Variants in PTPRM observed in about 807,000 individuals in gnomAD.
The protein encoded by PTPRM is receptor-type tyrosine-protein phosphatase mu.
PTPRM carries 47 observed loss-of-function variants against 186.7 expected under a neutral mutation model. The ratio of observed to expected loss-of-function variants is 0.25; its 90% CI spans 0.20 to 0.32. The LOEUF is 0.32. PTPRM is among the 10% of genes least tolerant of loss of function. The pLI, the probability that PTPRM is intolerant of heterozygous loss-of-function variation, is 1.00. For missense variants in PTPRM, 1,494 were observed against 1,865.0 expected, an observed-to-expected ratio of 0.80 and a Z score of 3.66; for synonymous variants, 668 against 674.9, an observed-to-expected ratio of 0.99 and a Z score of 0.16.
intron 7 of PTPRM, among the ~76,000 whole-genome samples, chr18:7,985,653 A>AAT (rs749376457): frequency 1.3e-5 from 2 of 149,372 alleles, no homozygotes; most frequent in African/African-American, 4.9e-5. Flanking sequence ...ATATGGGGTA[A>AAT]ATATATATAT....
chr18:7,890,499 G>A (rs1053044185), intron 3 of PTPRM, among the ~76,000 whole-genome samples: 1 of 151,852 alleles, frequency 6.6e-6, no homozygotes. Flanking sequence ...GATTTAATGA[G>A]TGACAAGTAA....
In PTPRM at chr18:7,600,829, C is replaced by T. The variant is rs534636650; in HGVS notation, c.73+32938C>T. On this transcript the variant is annotated intron_variant, in intron 1 of 32. Transcript: ENST00000580170. Reference sequence around the variant, plus strand: ...GCCTAGAGGAAGACGCTGCGCCCCTCAGTTCCCCTCTGCTGCACTTGTGTC... The same window carrying T: ...GCCTAGAGGAAGACGCTGCGCCCCTTAGTTCCCCTCTGCTGCACTTGTGTC... Among the ~76,000 whole-genome samples, 4 of 152,358 alleles carry T rather than the reference C, an allele frequency of 2.6e-5. No homozygotes were observed. The East Asian group carries it at 7.7e-4, about 29-fold the overall frequency.
At chr18:8,314,150 T>C (rs901513679) in intron 20 of PTPRM, among the ~76,000 whole-genome samples, 2 of 152,208 alleles carry the variant, frequency 1.3e-5, no homozygotes, top group African/African-American at 2.4e-5. Flanking sequence ...TGTCAATTTG[T>C]GTTTTCATTG....
intron 8 of PTPRM, among the ~76,000 whole-genome samples, chr18:8,073,512 A>C (rs115675817): frequency 0.019 from 2,819 of 152,322 alleles, 85 homozygotes; most frequent in African/African-American, 0.064. Flanking sequence ...TGTCATTTCT[A>C]ATGTTTTTTG....
chr18:7,969,194 C>T (rs2054355418), intron 7 of PTPRM, among the ~76,000 whole-genome samples: 1 of 102,300 alleles, frequency 9.8e-6, no homozygotes, highest in East Asian at 2.6e-4. Flanking sequence ...GAACAACCTG[C>T]TCCTGAATGA....
At chr18:8,281,019 T>C (rs546182747) in intron 19 of PTPRM, among the ~76,000 whole-genome samples, 64 of 152,288 alleles carry the variant, frequency 4.2e-4, no homozygotes, top group Admixed American at 9.8e-4. Flanking sequence ...CAATCAAAAC[T>C]AAAGTAGAAA....
chr18:7,964,370 A>C (rs2053880051), intron 7 of PTPRM, among the ~76,000 whole-genome samples: 1 of 152,178 alleles, frequency 6.6e-6, no homozygotes. Flanking sequence ...GTTCTGGCAC[A>C]AATAGCTAAA....
chr18:7,945,195 T>G lies in PTPRM; in HGVS notation c.664-3986T>G, dbSNP rs1253199303. 2.0e-5 allele frequency among the ~76,000 whole-genome samples: 3 copies of G among 151,476 alleles called. 1 individual carries two copies. Among genetic ancestry groups the G allele is most frequent in the Non-Finnish European group, 4.4e-5 (3 of 67,936 alleles). The stretch of plus-strand genomic sequence containing the variant: ...CCGGCCGGGCGTGGTGGCTCACGCC[T>G]GTAATCCCAGCACTTTGGGAGGCTG... On this transcript the variant is annotated intron_variant, in intron 5 of 32. Coordinates refer to ENST00000580170, the MANE Select transcript of PTPRM (RefSeq NM_001105244.2).
At chr18:7,802,779 A>G (rs1223395745) in intron 2 of PTPRM, among the ~76,000 whole-genome samples, 2 of 152,186 alleles carry the variant, frequency 1.3e-5, no homozygotes, top group Non-Finnish European at 2.9e-5. Flanking sequence ...TCTTTGATTC[A>G]GTCATTGATA....
At chr18:7,987,205 T>C (rs2147566715) in intron 7 of PTPRM, among the ~76,000 whole-genome samples, 1 of 152,252 alleles carries the variant, frequency 6.6e-6, no homozygotes, top group South Asian at 2.1e-4. Context: ...CCACAGTAGA[T>C]CTCTTGAGAA....
chr18:7,790,459 A>C (rs530283611), intron 2 of PTPRM, among the ~76,000 whole-genome samples: 1 of 152,166 alleles, frequency 6.6e-6, no homozygotes, highest in African/African-American at 2.4e-5. Context: ...GGATCAGCAT[A>C]GCGGCTAGAG....
At chr18:7,802,739 C>T (rs1184208295) in intron 2 of PTPRM, among the ~76,000 whole-genome samples, 1 of 152,078 alleles carries the variant, frequency 6.6e-6, no homozygotes, top group Non-Finnish European at 1.5e-5. Flanking sequence ...TATTTCATTT[C>T]TACAGAAAGT....
intron 14 of PTPRM, among the ~76,000 whole-genome samples, chr18:8,189,534 G>A (rs778435246): frequency 3.3e-5 from 5 of 152,138 alleles, no homozygotes; most frequent in African/African-American, 4.8e-5. Flanking sequence ...AGCCCAAAGC[G>A]AAATAAAGCC....
intron 17 of PTPRM, among the ~76,000 whole-genome samples, chr18:8,248,887 A>G (rs1019488374): frequency 2.0e-5 from 3 of 152,256 alleles, no homozygotes; most frequent in East Asian, 1.9e-4. Flanking sequence ...CATTTAAAGT[A>G]TGAAATATTC....
Position 8,115,033 on chromosome 18 carries a change from T to G in PTPRM, c.2167+206T>G, listed in dbSNP as rs557931431. On this transcript the variant is annotated intron_variant, in intron 13 of 32. Coordinates refer to ENST00000580170, the MANE Select transcript of PTPRM (RefSeq NM_001105244.2). The stretch of plus-strand genomic sequence containing the variant: ...TGACTGGAACTCATATAGATACTTT[T>G]TAAAATAAGAAGCTATATTTCTGTG... Among the ~76,000 whole-genome samples the G allele has an allele frequency of 7.9e-5, 12 of 151,888 alleles. No homozygotes were observed. The East Asian group carries it at 2.3e-3, about 29-fold the overall frequency.
At chr18:7,837,767 A>G (rs1045353214) in intron 2 of PTPRM, among the ~76,000 whole-genome samples, 6 of 152,180 alleles carry the variant, frequency 3.9e-5, no homozygotes, top group Non-Finnish European at 7.3e-5. Flanking sequence ...TAATTCTCTG[A>G]AAGGTCACAT....
Position 8,376,610 on chromosome 18 carries a change from A to G in PTPRM, c.3462+13A>G. ...GGTGCAAACAGAGGTACTCCCGCTC[A>G]TCACCTAGCCTGGGGCCTTGGTCCC... On this transcript the variant is annotated intron_variant, in intron 26 of 32. Coordinates refer to ENST00000580170, the MANE Select transcript of PTPRM (RefSeq NM_001105244.2). 3 of 1,607,754 alleles carry G rather than the reference A, an allele frequency of 1.9e-6. No homozygotes were observed. The highest frequency in any genetic ancestry group is 2.5e-6 in the Non-Finnish European group (3 of 1,177,204).
At chr18:7,703,063 C>T (rs2040000609) in intron 1 of PTPRM, among the ~76,000 whole-genome samples, 1 of 152,098 alleles carries the variant, frequency 6.6e-6, no homozygotes, top group African/African-American at 2.4e-5. Flanking sequence ...CAGTACCATG[C>T]TGTTTTGGTT....
intron 2 of PTPRM, among the ~76,000 whole-genome samples, chr18:7,832,119 T>C (rs2045791763): frequency 6.6e-6 from 1 of 152,212 alleles, no homozygotes; most frequent in Non-Finnish European, 1.5e-5. Context: ...ATATGCTGAT[T>C]TCTTTGCTTT....
Sources: allele counts gnomAD v4.1 joint callset (sites outside exome capture counted in the v4.1 genomes callset), GRCh38; gene constraint gnomAD v4.1.1; transcripts MANE v1.5; gene names NCBI Gene and HGNC (gene_info 2026-07-23, HGNC 2026-07-21).